The following SYN2 variants were observed in gnomAD, a reference collection of about 807,000 sequenced individuals.
SYN2 encodes synapsin II.
In SYN2, 19 loss-of-function variants were observed where a neutral mutation model predicts 50.9. The ratio of observed to expected loss-of-function variants is 0.37; its 90% CI spans 0.26 to 0.55. SYN2 has a LOEUF of 0.55. Ranked by LOEUF, SYN2 falls within the 20% of genes least tolerant of loss-of-function variation. The probability of loss-of-function intolerance (pLI) is 0.81; values close to 1 mark genes in which losing one functional copy is unlikely to be tolerated. For synonymous variants in SYN2, 255 were observed against 224.9 expected (o/e 1.13, Z -1.20); for missense variants, 587 against 576.4 (o/e 1.02, Z -0.19).
chr3:12,071,459 G>A (rs1695353962), intron 1 of SYN2: 1 of 480,628 alleles, frequency 2.1e-6, no homozygotes. Flanking sequence ...CTAGCCTCAT[G>A]AAACTGGAAT....
chr3:12,190,992 G>C lies in SYN2; in HGVS notation c.*367G>C, dbSNP rs1326250977. 8.8e-6 allele frequency: 9 copies of C among 1,026,194 alleles called. No homozygotes were observed. The highest frequency in any genetic ancestry group is 1.7e-5 in the African/African-American group (1 of 57,824). 63.6% of individuals were successfully genotyped at this position (1,026,194 alleles called of 1,614,324 possible). ...CGTGGACTCCTGGCAGCTTAACCTA[G>C]CTCAGTTGCAGTGCTAAGCATGCCC... is the stretch of plus-strand genomic sequence containing the variant. On this transcript the variant is annotated 3_prime_UTR_variant, in exon 13 of 13. Transcript: ENST00000621198.
chr3:12,105,621 T>C (rs191543115), intron 1 of SYN2, among the ~76,000 whole-genome samples: 4 of 151,578 alleles, frequency 2.6e-5, no homozygotes, highest in Admixed American at 2.0e-4. Context: ...TCAGAAACAA[T>C]GTATAATATT....
intron 10 of SYN2, among the ~76,000 whole-genome samples, chr3:12,175,174 A>G (rs1698036609): frequency 6.6e-6 from 1 of 152,256 alleles, no homozygotes; most frequent in East Asian, 1.9e-4. Flanking sequence ...TGACATTGAT[A>G]AAATACTCTT....
chr3:12,174,286 T>C (rs989017763), intron 10 of SYN2, among the ~76,000 whole-genome samples: 12 of 152,046 alleles, frequency 7.9e-5, no homozygotes, highest in Non-Finnish European at 1.6e-4. Context: ...GCACCCTAAA[T>C]ATAACACAGC....
At chr3:12,006,050 T>G (rs1693796764) in intron 1 of SYN2, among the ~76,000 whole-genome samples, 1 of 151,966 alleles carries the variant, frequency 6.6e-6, no homozygotes, top group Admixed American at 6.6e-5. Flanking sequence ...TGAGTGTTCT[T>G]CCCAGGAGGG....
intron 1 of SYN2, among the ~76,000 whole-genome samples, chr3:12,047,967 A>C (rs934017537): frequency 2.6e-5 from 4 of 152,162 alleles, no homozygotes; most frequent in Non-Finnish European, 5.9e-5. Flanking sequence ...TTTCCTTGGT[A>C]CCTGATTGTG....
chr3:12,115,058 C>T (rs1696403125), intron 1 of SYN2, among the ~76,000 whole-genome samples: 1 of 152,142 alleles, frequency 6.6e-6, no homozygotes, highest in African/African-American at 2.4e-5. Flanking sequence ...AATGACTTCA[C>T]CTTTGTCATT....
At chr3:12,154,527 G>T (rs1261507231) in intron 5 of SYN2, 22 of 1,549,306 alleles carry the variant, frequency 1.4e-5, no homozygotes. Context: ...TCCTTGAAAA[G>T]CCCAGAATTG....
intron 1 of SYN2, among the ~76,000 whole-genome samples, chr3:12,105,731 G>T (rs1031160011): frequency 6.6e-6 from 1 of 151,992 alleles, no homozygotes; most frequent in Non-Finnish European, 1.5e-5. Flanking sequence ...GACACAGGCA[G>T]TTCCCTCTCA....
intron 1 of SYN2, among the ~76,000 whole-genome samples, chr3:12,067,924 G>A (rs899682798): frequency 6.6e-6 from 1 of 152,126 alleles, no homozygotes; most frequent in African/African-American, 2.4e-5. Context: ...CAGGTGTGGT[G>A]GTGCATGCCT....
At chr3:12,069,212 T>C (rs147908122) in intron 1 of SYN2, among the ~76,000 whole-genome samples, 4 of 152,050 alleles carry the variant, frequency 2.6e-5, no homozygotes, top group Non-Finnish European at 4.4e-5. Context: ...TGAATAACGC[T>C]GCCATGAACA....
At chr3:12,110,591 C>A (rs1696288800) in intron 1 of SYN2, among the ~76,000 whole-genome samples, 1 of 152,214 alleles carries the variant, frequency 6.6e-6, no homozygotes, top group Admixed American at 6.5e-5. Context: ...GACATCTAGG[C>A]ATTTCTATAC....
intron 1 of SYN2, among the ~76,000 whole-genome samples, chr3:12,016,136 A>G (rs1393008806): frequency 1.3e-5 from 2 of 152,162 alleles, no homozygotes; most frequent in Non-Finnish European, 2.9e-5. Flanking sequence ...TGTACCTTGT[A>G]ATGCAACTGT....
At position 12,004,853 on chromosome 3, in the gene SYN2, ACGCGCCCGCTCC is replaced by A. The variant is rs1401462560; in HGVS notation, c.312_323del (p.Pro105_Ala108del). The stretch of plus-strand genomic sequence containing the variant: ...ACGGCCGCCTCGGCTGGCCTGGTGG[ACGCGCCCGCTCC>A]CGCGCCCGCAGCCGCCAGGAAGGCC... On this transcript the variant is annotated inframe_deletion, in exon 1 of 13. Coordinates refer to ENST00000621198, the MANE Select transcript of SYN2 (RefSeq NM_133625.6). 4 of 546,798 alleles carry A rather than the reference ACGCGCCCGCTCC, an allele frequency of 7.3e-6. No homozygotes were observed. The highest frequency in any genetic ancestry group is 6.5e-5 in the Admixed American group (2 of 30,974). The allele number at this position is 546,798 out of a possible 1,614,324, so 33.9% of individuals were successfully genotyped here.
intron 1 of SYN2, among the ~76,000 whole-genome samples, chr3:12,095,163 T>G (rs1006631863): frequency 6.6e-6 from 1 of 151,980 alleles, no homozygotes; most frequent in South Asian, 2.1e-4. Context: ...ATGATGTCAC[T>G]TTGTTCTCAC....
At chr3:12,153,128 C>T (rs17035945) in intron 5 of SYN2, 42,749 of 286,494 alleles carry the variant, frequency 0.15, 4,054 homozygotes, top group African/African-American at 0.32. Context: ...CCTTCTGATA[C>T]TGTACATCGC....
chr3:12,146,461 A>G (rs1478849159), intron 4 of SYN2, among the ~76,000 whole-genome samples: 1 of 152,234 alleles, frequency 6.6e-6, no homozygotes, highest in Non-Finnish European at 1.5e-5. Context: ...GGTGTAGAAA[A>G]CTACTTACTA....
At chr3:12,012,307 G>C (rs1245547440) in intron 1 of SYN2, among the ~76,000 whole-genome samples, 1 of 152,100 alleles carries the variant, frequency 6.6e-6, no homozygotes, top group African/African-American at 2.4e-5. Flanking sequence ...AATTAAGGAA[G>C]GATGGCTACA....
chr3:12,062,272 A>G (rs1410809363), intron 1 of SYN2, among the ~76,000 whole-genome samples: 1 of 152,040 alleles, frequency 6.6e-6, no homozygotes, highest in Non-Finnish European at 1.5e-5. Context: ...TTAAATGGGG[A>G]AAGGACAGTC....
Sources: allele counts gnomAD v4.1 joint callset (sites outside exome capture counted in the v4.1 genomes callset), GRCh38; gene constraint gnomAD v4.1.1; transcripts MANE v1.5; gene names NCBI Gene and HGNC (gene_info 2026-07-23, HGNC 2026-07-21).